MOK: variants seen among roughly 807,000 people sequenced by gnomAD.
MOK encodes the protein MAPK/MAK/MRK overlapping kinase.
MOK carries 59 observed loss-of-function variants against 54.2 expected under a neutral mutation model. That is an observed-to-expected ratio of 1.09 (90% CI 0.88 to 1.35). The LOEUF (loss-of-function observed/expected upper bound fraction) is 1.35, where lower values mean the gene tolerates loss of function less well. MOK is among the 40% of genes most tolerant of loss of function. MOK has a pLI of 0.00. For missense variants in MOK, 517 were observed against 526.2 expected, an observed-to-expected ratio of 0.98 and a Z score of 0.17; for synonymous variants, 210 against 202.7, an observed-to-expected ratio of 1.04 and a Z score of -0.31.
chr14:102,282,515 C>T (rs1196694304), intron 2 of MOK, among the ~76,000 whole-genome samples: 1 of 151,230 alleles, frequency 6.6e-6, no homozygotes, highest in African/African-American at 2.4e-5. Context: ...CAGGCAGATA[C>T]CTTGAGGTCA....
At chr14:102,252,016 G>A (rs1430820735) in intron 4 of MOK, 21 bp from the exon 5 acceptor site, 2 of 1,351,604 alleles carry the variant, frequency 1.5e-6, no homozygotes, top group Non-Finnish European at 2.1e-6. Context: ...AAGGAAATAG[G>A]CAAATACGGT....
intron 1 of MOK, among the ~76,000 whole-genome samples, chr14:102,287,281 C>G (rs968628609): frequency 3.4e-4 from 51 of 152,204 alleles, no homozygotes; most frequent in African/African-American, 1.2e-3. Context: ...CCAGCCTGGC[C>G]AACATGGCGA....
At chr14:102,269,139 T>C (rs1443599239) in intron 2 of MOK, among the ~76,000 whole-genome samples, 2 of 151,976 alleles carry the variant, frequency 1.3e-5, no homozygotes, top group Non-Finnish European at 2.9e-5. Flanking sequence ...AAAGAGTCAA[T>C]ACATTAGGAA....
intron 2 of MOK, among the ~76,000 whole-genome samples, chr14:102,273,203 G>A (rs1226713719): frequency 2.0e-5 from 3 of 148,714 alleles, no homozygotes; most frequent in Non-Finnish European, 3.0e-5. Context: ...GGAAAGAAGA[G>A]TAAAACTGTC....
At chr14:102,259,089 T>A (rs1038646314) in intron 4 of MOK, among the ~76,000 whole-genome samples, 5 of 151,582 alleles carry the variant, frequency 3.3e-5, no homozygotes, top group African/African-American at 9.7e-5. Context: ...AAAAAGACTA[T>A]ATACTCTTTC....
downstream of MOK, chr14:102,223,056 C>T: frequency 3.1e-6 from 2 of 639,652 alleles, no homozygotes; most frequent in South Asian, 2.1e-5. Context: ...TCCCGCTGCT[C>T]ACCCAAAGAA....
chr14:102,247,448 C>A (rs886732800), intron 7 of MOK: 2 of 152,206 alleles, frequency 1.3e-5, no homozygotes, highest in African/African-American at 4.8e-5. Flanking sequence ...GGAGACCAAC[C>A]CCTACCAATC....
At chr14:102,299,177 AAGAC>A (rs1483636571) in intron 1 of MOK, among the ~76,000 whole-genome samples, 3 of 152,340 alleles carry the variant, frequency 2.0e-5, no homozygotes, top group Non-Finnish European at 2.9e-5. Flanking sequence ...GAAAAAAAAA[AAGAC>A]AGTTTAAACC....
chr14:102,305,078 G>A lies in MOK; in HGVS notation c.-110C>T, dbSNP rs2139405649. 1 of 1,280,576 alleles carries A rather than the reference G, an allele frequency of 7.8e-7. No homozygotes were observed. Among genetic ancestry groups the A allele is most frequent in the South Asian group, 1.3e-5 (1 of 78,380 alleles). 79.3% of individuals were successfully genotyped at this position (1,280,576 alleles called of 1,614,324 possible). ...TTCCCTGAGGCGGGGTCCCGCACTAGGATCTCCGTGGTGGTCCCTCGAAGG... is the reference window on the plus strand; with the variant it reads ...TTCCCTGAGGCGGGGTCCCGCACTAAGATCTCCGTGGTGGTCCCTCGAAGG... On this transcript the variant is annotated 5_prime_UTR_variant, in exon 1 of 12. Transcript: ENST00000361847.
In MOK at chr14:102,232,144, T is replaced by C; in HGVS notation, c.867-323A>G. 1 of 347,810 alleles carries C rather than the reference T, an allele frequency of 2.9e-6. No individual in the cohort carries two copies. Among genetic ancestry groups the C allele is most frequent in the Non-Finnish European group, 5.2e-6 (1 of 192,650 alleles). The allele number at this position is 347,810 out of a possible 1,614,324, so 21.5% of individuals were successfully genotyped here. On this transcript the variant is annotated intron_variant, in intron 9 of 11. Coordinates refer to ENST00000361847, the MANE Select transcript of MOK (RefSeq NM_014226.3). The surrounding 1 kb of genome is among the most constrained non-coding windows in gnomAD (Gnocchi z 5.1). Reference sequence around the variant, plus strand: ...AGGTGACCTCAGGGCAGACAGGTCTTAGATTCACATTCAGCAGGTACTTCC... The same window carrying C: ...AGGTGACCTCAGGGCAGACAGGTCTCAGATTCACATTCAGCAGGTACTTCC...
chr14:102,258,687 C>T (rs2067159480), intron 4 of MOK, among the ~76,000 whole-genome samples: 1 of 152,210 alleles, frequency 6.6e-6, no homozygotes, highest in South Asian at 2.1e-4. Context: ...CCTCATCTGA[C>T]ACCTGTTCAA....
chr14:102,264,597 T>G (rs2067746839), intron 3 of MOK: 1 of 152,236 alleles, frequency 6.6e-6, no homozygotes, highest in South Asian at 2.1e-4. Flanking sequence ...CTTTGTAAAG[T>G]GCGTGGGAAG....
chr14:102,233,814 G>T (rs1567137762), intron 7 of MOK, 25 bp from the exon 8 acceptor site: 1 of 1,566,260 alleles, frequency 6.4e-7, no homozygotes. Flanking sequence ...GGGGCACTGT[G>T]GTCAGTGTTA....
chr14:102,232,376 G>T lies in MOK; in HGVS notation c.866+159C>A. ...GGAGGATACACCAGAAGGCAGCACG[G>T]TGTGGGCCCCAAGAGGCCCTGACCA... On this transcript the variant is annotated intron_variant, in intron 9 of 11. Coordinates refer to ENST00000361847, the MANE Select transcript of MOK (RefSeq NM_014226.3). The surrounding 1 kb of genome is among the most constrained non-coding windows in gnomAD (Gnocchi z 5.1). 1.3e-6 allele frequency: 1 copy of T among 746,946 alleles called. No individual in the cohort carries two copies. The highest frequency in any genetic ancestry group is 2.7e-5 in the East Asian group (1 of 37,116). 46.3% of individuals were successfully genotyped at this position (746,946 alleles called of 1,614,324 possible).
intron 1 of MOK, among the ~76,000 whole-genome samples, chr14:102,284,532 A>G (rs1427671559): frequency 1.3e-5 from 2 of 152,154 alleles, no homozygotes; most frequent in African/African-American, 4.8e-5. Context: ...AATGGAAGGA[A>G]TAAGTAAAAT....
At chr14:102,292,168 A>C (rs2070826881) in intron 1 of MOK, among the ~76,000 whole-genome samples, 1 of 151,938 alleles carries the variant, frequency 6.6e-6, no homozygotes, top group Admixed American at 6.6e-5. Context: ...AGAAAATATC[A>C]ATGGTCAAAT....
chr14:102,271,562 A>G (rs1183588576), intron 2 of MOK, among the ~76,000 whole-genome samples: 7 of 152,134 alleles, frequency 4.6e-5, no homozygotes, highest in Non-Finnish European at 1.0e-4. Flanking sequence ...AAACCTAACA[A>G]AAACTTTTTT....
At chr14:102,259,274 G>C (rs1481665441) in intron 4 of MOK, among the ~76,000 whole-genome samples, 1 of 152,092 alleles carries the variant, frequency 6.6e-6, no homozygotes, top group Non-Finnish European at 1.5e-5. Flanking sequence ...AATAACCTGA[G>C]AGCAGCAATT....
At chr14:102,243,869 A>G (rs1329073443) in intron 7 of MOK, among the ~76,000 whole-genome samples, 1 of 152,226 alleles carries the variant, frequency 6.6e-6, no homozygotes, top group Non-Finnish European at 1.5e-5. Flanking sequence ...AGGCTATGCT[A>G]TAGTATCTTC....
Sources: gnomAD v4.1 joint callset for allele counts (sites outside exome capture counted in the v4.1 genomes callset) on GRCh38, gnomAD v4.1.1 for gene constraint, Gnocchi (gnomAD v3.1) non-coding constraint, MANE v1.5 for transcripts, NCBI Gene and HGNC (gene_info 2026-07-23, HGNC 2026-07-21) for gene names.